The following MEGF11 variants were observed in gnomAD, a reference collection of about 807,000 sequenced individuals.
The protein encoded by MEGF11 is multiple epidermal growth factor-like domains protein 11.
A neutral mutation model predicts 146.6 loss-of-function variants in MEGF11; 126 were observed. That is an observed-to-expected ratio of 0.86 (90% CI 0.74 to 1.00). The LOEUF (loss-of-function observed/expected upper bound fraction) is 1.00. MEGF11 is among the 50% of genes least tolerant of loss of function. The pLI, the probability that MEGF11 is intolerant of heterozygous loss-of-function variation, is 0.00. For missense variants in MEGF11, 1,509 were observed against 1,521.2 expected (o/e 0.99, Z 0.13); for synonymous variants, 532 against 583.4 (o/e 0.91, Z 1.27).
chr15:65,913,641 C>T, intron 20 of MEGF11, 96 bp downstream of exon 20: 7 of 1,088,100 alleles, frequency 6.4e-6, no homozygotes, highest in Non-Finnish European at 8.2e-6. Context: ...TGAGCTTCCA[C>T]ATTCAGCCAC....
chr15:66,111,119 G>A (rs553973747), intron 4 of MEGF11, among the ~76,000 whole-genome samples: 252 of 152,296 alleles, frequency 1.7e-3, no homozygotes, highest in African/African-American at 5.6e-3. Context: ...GCCTCTCTGA[G>A]CTTCAGTTTT....
At chr15:66,156,889 G>C (rs2089778844) in intron 1 of MEGF11, among the ~76,000 whole-genome samples, 1 of 152,134 alleles carries the variant, frequency 6.6e-6, no homozygotes, top group African/African-American at 2.4e-5. Context: ...CACAGAGCCA[G>C]GCAGAACCCC....
intron 5 of MEGF11, among the ~76,000 whole-genome samples, chr15:66,038,495 C>A (rs976517114): frequency 6.6e-6 from 1 of 152,198 alleles, no homozygotes; most frequent in Non-Finnish European, 1.5e-5. Flanking sequence ...CCTCTCCTTT[C>A]ACACCAGGGA....
intron 1 of MEGF11, among the ~76,000 whole-genome samples, chr15:66,234,167 G>A (rs937489650): frequency 1.3e-5 from 2 of 152,060 alleles, no homozygotes; most frequent in South Asian, 2.1e-4. Flanking sequence ...CCAAAGTGCT[G>A]GGATTACAGG....
intron 5 of MEGF11, among the ~76,000 whole-genome samples, chr15:66,080,252 C>T (rs2085791627): frequency 6.6e-6 from 1 of 152,244 alleles, no homozygotes; most frequent in Admixed American, 6.5e-5. Flanking sequence ...GCACTTCTGA[C>T]CCCATGACCT....
chr15:66,012,958 A>G (rs1358684198), intron 5 of MEGF11, among the ~76,000 whole-genome samples: 2 of 152,244 alleles, frequency 1.3e-5, no homozygotes, highest in East Asian at 3.8e-4. Flanking sequence ...CTGCTGCTGT[A>G]TCAGTGGGTG....
intron 10 of MEGF11, among the ~76,000 whole-genome samples, chr15:65,945,340 T>A (rs183793832): frequency 1.7e-3 from 255 of 152,014 alleles, no homozygotes; most frequent in African/African-American, 6.0e-3. Flanking sequence ...AAGGGGCAAG[T>A]TTGATGGGAG....
In MEGF11 at chr15:65,916,204, T is replaced by G; in HGVS notation, c.2288A>C (p.His763Pro). Residue 763 changes from histidine (H) to proline (P), a missense_variant, in exon 18 of 26, where the codon CAC becomes CCC. Transcript: ENST00000395614. ...CQCQNGASCD[H>P]ISGKCTCRTG... ...GCGGCAGGTGCACTTGCCACTGATG[T>G]GGTCACAGCTGGCGCCATTCTGACA... 9 of 1,576,590 alleles carry G rather than the reference T, an allele frequency of 5.7e-6. No individual in the cohort carries two copies. The highest frequency in any genetic ancestry group is 7.8e-6 in the Non-Finnish European group (9 of 1,161,170).
rs569676183 is a variant in MEGF11, at chr15:65,928,550, A to C, written c.1573-23T>G. On this transcript the variant is annotated intron_variant, in intron 12 of 25. Transcript: ENST00000395614. ...ATCCTGTGGAGAAGACAGGGAGAGA[A>C]AAATGATCAGACCCAAACCTCCAGA... The C allele has an allele frequency of 2.2e-5, 34 of 1,540,298 alleles. 1 individual carries two copies. In the South Asian group the frequency reaches 4.1e-4, roughly 19 times the overall value.
intron 9 of MEGF11, 129 bp downstream of exon 9, chr15:65,964,779 A>T: frequency 2.3e-6 from 2 of 851,830 alleles, no homozygotes; most frequent in Non-Finnish European, 3.6e-6. Flanking sequence ...CTCAGTGCTG[A>T]GGTCCTAGCC....
chr15:65,949,898 G>T (rs978170989), intron 10 of MEGF11, among the ~76,000 whole-genome samples: 1 of 152,210 alleles, frequency 6.6e-6, no homozygotes, highest in Non-Finnish European at 1.5e-5. Flanking sequence ...TGGTGGAGCC[G>T]AGAAATCAGC....
At chr15:65,946,687 C>G (rs1418211943) in intron 10 of MEGF11, among the ~76,000 whole-genome samples, 1 of 152,230 alleles carries the variant, frequency 6.6e-6, no homozygotes, top group African/African-American at 2.4e-5. Flanking sequence ...GCCACTGCAC[C>G]AAGCCTGCGT....
intron 5 of MEGF11, among the ~76,000 whole-genome samples, chr15:66,038,439 T>C: frequency 6.6e-6 from 1 of 152,226 alleles, no homozygotes; most frequent in Non-Finnish European, 1.5e-5. Context: ...CCTCAGTGGC[T>C]AAGGCTTTGC....
At chr15:66,109,055 C>T (rs765276212) in intron 4 of MEGF11, among the ~76,000 whole-genome samples, 7 of 152,164 alleles carry the variant, frequency 4.6e-5, no homozygotes, top group Admixed American at 6.5e-5. Flanking sequence ...TGTATCAGCA[C>T]GAGGGGCCCT....
chr15:66,132,378 A>C (rs2088682718), intron 1 of MEGF11, among the ~76,000 whole-genome samples: 1 of 152,062 alleles, frequency 6.6e-6, no homozygotes, highest in Non-Finnish European at 1.5e-5. Context: ...ATCCTACCCC[A>C]CCTGCTTCAC....
At chr15:65,916,788 G>T (rs758674803) in intron 17 of MEGF11, 40 bp downstream of exon 17, 46 of 1,606,516 alleles carry the variant, frequency 2.9e-5, no homozygotes, top group Non-Finnish European at 3.7e-5. Flanking sequence ...GCCGCAGCAT[G>T]GTATTCTAAG....
chr15:66,003,807 C>T (rs2082437334), intron 5 of MEGF11, among the ~76,000 whole-genome samples: 1 of 152,180 alleles, frequency 6.6e-6, no homozygotes, highest in Non-Finnish European at 1.5e-5. Flanking sequence ...CTCCATTCAC[C>T]CCTTCATGCC....
chr15:66,222,896 T>A (rs2091770751), intron 1 of MEGF11, among the ~76,000 whole-genome samples: 3 of 152,256 alleles, frequency 2.0e-5, no homozygotes, highest in Admixed American at 2.0e-4. Context: ...GGTGGGAATG[T>A]AAAATGGTGT....
rs60154748 is a variant in MEGF11 at position 65,980,395 on chromosome 15, C to CTTTTTTTTTTT, written c.762+372_762+382dup. ...TATTCAGAGTGGGAGAAGAATTCAG[C>CTTTTTTTTTTT]TTTTTTTTTTTTTTTTTTTTTTTTG... On this transcript the variant is annotated intron_variant, in intron 7 of 25. Coordinates refer to ENST00000395614, the MANE Select transcript of MEGF11 (RefSeq NM_001385028.1). Among the ~76,000 whole-genome samples, 134 of 88,194 alleles carry CTTTTTTTTTTT rather than the reference C, an allele frequency of 1.5e-3. 6 individuals carry two copies. Among genetic ancestry groups the CTTTTTTTTTTT allele is most frequent in the African/African-American group, 6.1e-3 (123 of 20,194 alleles). 57.9% of individuals were successfully genotyped at this position (88,194 alleles called of 152,430 possible).
Sources: allele counts gnomAD v4.1 joint callset (sites outside exome capture counted in the v4.1 genomes callset), GRCh38; gene constraint gnomAD v4.1.1; transcripts MANE v1.5; gene names NCBI Gene and HGNC (gene_info 2026-07-23, HGNC 2026-07-21).